TBCD: variants seen among roughly 807,000 people sequenced by gnomAD.
TBCD encodes tubulin folding cofactor D.
A neutral mutation model predicts 169.3 loss-of-function variants in TBCD; 105 were observed. The ratio of observed to expected loss-of-function variants is 0.62; its 90% CI spans 0.53 to 0.73. The LOEUF is 0.73. Among genes scored for constraint, TBCD ranks in the 30% least tolerant of loss-of-function variants. The probability of loss-of-function intolerance (pLI) is 0.00; values close to 1 mark genes in which losing one functional copy is unlikely to be tolerated. For synonymous variants in TBCD, 700 were observed against 643.9 expected (o/e 1.09, Z -1.32); for missense variants, 1,444 against 1,600.1 (o/e 0.90, Z 1.66).
intron 13 of TBCD, among the ~76,000 whole-genome samples, chr17:82,866,458 C>A (rs2057179643): frequency 6.6e-6 from 1 of 152,272 alleles, no homozygotes; most frequent in African/African-American, 2.4e-5. Context: ...GAGAAACATC[C>A]TCAGCTTCTA....
rs1047830187 is a variant in TBCD, at chr17:82,752,147, G to A, written c.-47G>A. 1.4e-5 allele frequency: 21 copies of A among 1,463,800 alleles called. No homozygotes were observed. The highest frequency in any genetic ancestry group is 1.8e-5 in the Non-Finnish European group (20 of 1,110,946). The allele number at this position is 1,463,800 out of a possible 1,614,324, so 90.7% of individuals were successfully genotyped here. A position where few individuals can be genotyped will look rare whatever the true frequency, so the allele number is the denominator to read the frequency against. On this transcript the variant is annotated 5_prime_UTR_variant, in exon 1 of 39. Transcript: ENST00000355528. The stretch of plus-strand genomic sequence containing the variant: ...CTGGCTTTCGCGCTCTAGCGGAGTG[G>A]GATCTGCGAACACGTGAGGCGGGGG...
chr17:82,770,615 AAGT>A (rs1226087655), intron 5 of TBCD, among the ~76,000 whole-genome samples: 1 of 151,850 alleles, frequency 6.6e-6, no homozygotes, highest in East Asian at 1.9e-4. Context: ...AAAAAAAAAA[AAGT>A]AGTATGGTTT....
chr17:82,776,087 T>C (rs111570460), intron 6 of TBCD, among the ~76,000 whole-genome samples: 1,563 of 152,138 alleles, frequency 0.01, 34 homozygotes, highest in African/African-American at 0.035. Flanking sequence ...GGCATGGTGG[T>C]GCGTGCCTCT....
intron 13 of TBCD, among the ~76,000 whole-genome samples, chr17:82,824,768 C>CT (rs139095949): frequency 0.039 from 5,947 of 152,240 alleles, 151 homozygotes; most frequent in Middle Eastern, 0.061. Flanking sequence ...TTTGACACCC[C>CT]TTTTTTTAGT....
At chr17:82,783,607 A>G (rs1293195552) in intron 7 of TBCD, among the ~76,000 whole-genome samples, 9 of 152,220 alleles carry the variant, frequency 5.9e-5, no homozygotes. Flanking sequence ...CGTACACGAC[A>G]CAGCCTTTTG....
chr17:82,764,355 A>C lies in TBCD; in HGVS notation c.333+293A>C, dbSNP rs536828314. ...TAAATCAGAAAAACTTCTTACAAGGAGAAAGCAGGCCGGGTGCGGTGGCTC... is the reference window on the plus strand; with the variant it reads ...TAAATCAGAAAAACTTCTTACAAGGCGAAAGCAGGCCGGGTGCGGTGGCTC... On this transcript the variant is annotated intron_variant, in intron 3 of 38. Transcript: ENST00000355528. Among the ~76,000 whole-genome samples the C allele has an allele frequency of 9.9e-4, 151 of 152,316 alleles. 1 individual carries two copies. Among genetic ancestry groups the C allele is most frequent in the African/African-American group, 3.5e-3 (146 of 41,568 alleles).
At chr17:82,808,875 G>A (rs1270872581) in intron 11 of TBCD, among the ~76,000 whole-genome samples, 1 of 150,676 alleles carries the variant, frequency 6.6e-6, no homozygotes, top group East Asian at 2.0e-4. Context: ...TGAGGTATCA[G>A]GGTGGTCCCT....
intron 13 of TBCD, among the ~76,000 whole-genome samples, chr17:82,861,724 G>A (rs1599011254): frequency 6.6e-6 from 1 of 152,182 alleles, no homozygotes; most frequent in Non-Finnish European, 1.5e-5. Context: ...GGCACATACC[G>A]GGCTTTTTAC....
intron 13 of TBCD, among the ~76,000 whole-genome samples, chr17:82,827,866 C>T (rs1267283857): frequency 1.0e-4 from 15 of 147,104 alleles, no homozygotes; most frequent in African/African-American, 3.8e-4. Flanking sequence ...CACACACACC[C>T]CCCCACAGGC....
At chr17:82,764,147 C>A in intron 3 of TBCD, 85 bp downstream of exon 3, 1 of 1,064,472 alleles carries the variant, frequency 9.4e-7, no homozygotes, top group Non-Finnish European at 1.4e-6. Context: ...TGTTATTTCT[C>A]AAGAAAGATA....
At chr17:82,753,436 A>G (rs1235037895) in intron 1 of TBCD, among the ~76,000 whole-genome samples, 1 of 136,778 alleles carries the variant, frequency 7.3e-6, no homozygotes, top group East Asian at 2.2e-4. Flanking sequence ...TAACAGCCCA[A>G]TGGCTTCTTC....
chr17:82,886,997 T>C (rs1451344245), intron 15 of TBCD, among the ~76,000 whole-genome samples: 2 of 151,874 alleles, frequency 1.3e-5, no homozygotes, highest in African/African-American at 4.8e-5. Flanking sequence ...TAAAGACTAA[T>C]GCAGGGAGAG....
In TBCD at chr17:82,752,485, G is replaced by C. The variant is rs1156971209; in HGVS notation, c.184+108G>C. ...AGCCCGGCGGCGCCGGCCGCTCTGC[G>C]AGGGCTGCCGGTGCGCGGTCCCGCG... On this transcript the variant is annotated intron_variant, in intron 1 of 38. Coordinates refer to ENST00000355528, the MANE Select transcript of TBCD (RefSeq NM_005993.5). The C allele has an allele frequency of 3.3e-6, 3 of 914,520 alleles. 1 individual carries two copies. In the African/African-American group the frequency reaches 5.3e-5, roughly 16 times the overall value. The allele number at this position is 914,520 out of a possible 1,614,324, so 56.7% of individuals were successfully genotyped here.
Position 82,827,529 on chromosome 17 carries a change from G to A in TBCD, c.1318+12595G>A, listed in dbSNP as rs147945741. Among the ~76,000 whole-genome samples, 1,237 of 152,288 alleles carry A rather than the reference G, an allele frequency of 8.1e-3. 9 individuals carry two copies. The highest frequency in any genetic ancestry group is 0.016 in the South Asian group (76 of 4,832). On this transcript the variant is annotated intron_variant, in intron 13 of 38. Coordinates refer to ENST00000355528, the MANE Select transcript of TBCD (RefSeq NM_005993.5). ...CATTGAGTAGCCCCAGGGGTGCTTC[G>A]CACATGCCGGTACTTGACCACTGCT...
intron 2 of TBCD, among the ~76,000 whole-genome samples, chr17:82,763,119 G>A (rs1400372368): frequency 4.6e-5 from 7 of 152,160 alleles, no homozygotes; most frequent in Non-Finnish European, 8.8e-5. Flanking sequence ...TCTCTTACTT[G>A]TTCTATCAGT....
intron 13 of TBCD, among the ~76,000 whole-genome samples, chr17:82,856,440 C>G (rs879742990): frequency 1.1e-4 from 17 of 151,864 alleles, no homozygotes; most frequent in Non-Finnish European, 1.9e-4. Context: ...GACCCTGTCT[C>G]TACAAAGAAA....
chr17:82,798,246 A>T (rs1004385511), intron 8 of TBCD, among the ~76,000 whole-genome samples: 2 of 150,840 alleles, frequency 1.3e-5, no homozygotes, highest in African/African-American at 4.9e-5. Context: ...TCCTGGATTC[A>T]CGCCATTCTC....
At chr17:82,931,793 T>C (rs1381248320) in intron 33 of TBCD, among the ~76,000 whole-genome samples, 1 of 152,226 alleles carries the variant, frequency 6.6e-6, no homozygotes, top group Non-Finnish European at 1.5e-5. Context: ...AGCCTCCTTT[T>C]CTGTGGGGTA....
rs2059090875 is a variant in TBCD, at chr17:82,890,941, G to A, written c.1563+1244G>A. On this transcript the variant is annotated intron_variant, in intron 16 of 38. Transcript: ENST00000355528. The surrounding 1 kb of genome is among the most constrained non-coding windows in gnomAD (Gnocchi z 5.3). ...TTGGAAACCACTTAGCTGAGCCTAG[G>A]GACTTGCCAGCTTCCTGGAAAGTGA... Among the ~76,000 whole-genome samples, 1 of 152,218 alleles carries A rather than the reference G, an allele frequency of 6.6e-6. No individual in the cohort carries two copies. The highest frequency in any genetic ancestry group is 1.5e-5 in the Non-Finnish European group (1 of 68,038).
Sources: gnomAD v4.1 joint callset for allele counts (sites outside exome capture counted in the v4.1 genomes callset) on GRCh38, gnomAD v4.1.1 for gene constraint, Gnocchi (gnomAD v3.1) non-coding constraint, MANE v1.5 for transcripts, NCBI Gene and HGNC (gene_info 2026-07-23, HGNC 2026-07-21) for gene names.